RFC3: variants seen among roughly 807,000 people sequenced by gnomAD.
RFC3 encodes the protein replication factor C subunit 3, also known as A1 38 kDa subunit.
RFC3 carries 41 observed loss-of-function variants against 45.1 expected under a neutral mutation model. The ratio of observed to expected loss-of-function variants is 0.91; its 90% CI spans 0.71 to 1.18. The LOEUF is 1.18. Among genes scored for constraint, RFC3 ranks in the 50% most tolerant of loss-of-function variants. The pLI is 0.00. For missense variants in RFC3, 423 were observed against 428.1 expected, an observed-to-expected ratio of 0.99 and a Z score of 0.10; for synonymous variants, 149 against 144.0, an observed-to-expected ratio of 1.03 and a Z score of -0.25.
At chr13:33,898,234 C>A (rs2137657902) in intron 8 of RFC3, among the ~76,000 whole-genome samples, 1 of 152,102 alleles carries the variant, frequency 6.6e-6, no homozygotes, top group East Asian at 1.9e-4. Flanking sequence ...ATAAAATATT[C>A]TCTGGAATAA....
intron 8 of RFC3, among the ~76,000 whole-genome samples, chr13:33,897,989 A>G (rs2137657174): frequency 6.6e-6 from 1 of 152,106 alleles, no homozygotes; most frequent in Admixed American, 6.6e-5. Flanking sequence ...ATGTACTCAT[A>G]AACATTAAAA....
intron 8 of RFC3, among the ~76,000 whole-genome samples, chr13:33,916,592 C>A (rs1283538865): frequency 6.6e-6 from 1 of 152,056 alleles, no homozygotes; most frequent in African/African-American, 2.4e-5. Flanking sequence ...CTAATAGCAC[C>A]AGTGATGACT....
At chr13:33,972,504 T>C in the RFC3 span, among the ~76,000 whole-genome samples, 2 of 152,246 alleles carry the variant, frequency 1.3e-5, no homozygotes, top group Admixed American at 1.3e-4. Context: ...TGTTTTTTGT[T>C]GTATTTTACC....
intron 4 of RFC3, 84 bp from the exon 5 acceptor site, chr13:33,829,752 C>A: frequency 9.4e-7 from 1 of 1,060,966 alleles, no homozygotes; most frequent in Non-Finnish European, 1.5e-6. Context: ...AGGATTTCAT[C>A]CTGGATAATG....
intron 8 of RFC3, among the ~76,000 whole-genome samples, chr13:33,949,047 G>T (rs1311825943): frequency 6.6e-6 from 1 of 152,078 alleles, no homozygotes; most frequent in Non-Finnish European, 1.5e-5. Flanking sequence ...TGAGATTTGG[G>T]AGGGTCAGGG....
intron 8 of RFC3, among the ~76,000 whole-genome samples, chr13:33,956,586 C>T (rs1469512312): frequency 6.6e-6 from 1 of 152,134 alleles, no homozygotes; most frequent in East Asian, 1.9e-4. Context: ...ACCTTAAATG[C>T]ATGACTGTTA....
At chr13:33,925,578 A>G (rs141507380) in intron 8 of RFC3, among the ~76,000 whole-genome samples, 7 of 109,980 alleles carry the variant, frequency 6.4e-5, no homozygotes, top group African/African-American at 1.1e-4. Flanking sequence ...CTATATACAT[A>G]CATATATAGT....
At chr13:33,952,392 A>C (rs1045474530) in intron 8 of RFC3, among the ~76,000 whole-genome samples, 4 of 152,068 alleles carry the variant, frequency 2.6e-5, no homozygotes, top group African/African-American at 9.7e-5. Context: ...AATGTGTAGA[A>C]GGAACACATA....
At chr13:33,916,794 G>A (rs192166084) in intron 8 of RFC3, among the ~76,000 whole-genome samples, 169 of 148,596 alleles carry the variant, frequency 1.1e-3, no homozygotes, top group Non-Finnish European at 1.8e-3. Context: ...ACATGTATGC[G>A]TATGTATATG....
intron 8 of RFC3, among the ~76,000 whole-genome samples, chr13:33,900,451 T>A (rs1299570190): frequency 6.6e-6 from 1 of 151,944 alleles, no homozygotes; most frequent in African/African-American, 2.4e-5. Flanking sequence ...CTTCAATAAA[T>A]GGTGCTGAAA....
chr13:33,936,412 A>T (rs2082886705), intron 8 of RFC3, among the ~76,000 whole-genome samples: 1 of 152,142 alleles, frequency 6.6e-6, no homozygotes, highest in Non-Finnish European at 1.5e-5. Flanking sequence ...TACCCCCCAA[A>T]ATACATAAAA....
In RFC3 at chr13:33,884,054, T is replaced by C. The variant is rs1380324270; in HGVS notation, c.879+48837T>C. 2.6e-5 allele frequency among the ~76,000 whole-genome samples: 4 copies of C among 152,354 alleles called. No homozygotes were observed. The East Asian group carries it at 7.7e-4, about 29-fold the overall frequency. On this transcript the variant is annotated intron_variant, in intron 8 of 8. Transcript: ENST00000434425. ...ATATGGCACAGTCAGAAAGCTCAAC[T>C]GTGTATCCTGAAACATCATTTATTG... is the stretch of plus-strand genomic sequence containing the variant.
chr13:33,935,767 T>C (rs956923595), intron 8 of RFC3, among the ~76,000 whole-genome samples: 13 of 152,208 alleles, frequency 8.5e-5, no homozygotes, highest in Non-Finnish European at 1.3e-4. Flanking sequence ...GGACACAGCA[T>C]TAGCATTTCA....
downstream of RFC3, among the ~76,000 whole-genome samples, chr13:33,842,151 A>G (rs1246694577): frequency 1.3e-5 from 2 of 152,016 alleles, no homozygotes; most frequent in Admixed American, 1.3e-4. Flanking sequence ...AGCTGGGTGT[A>G]GTGGTATGTG....
intron 8 of RFC3, among the ~76,000 whole-genome samples, chr13:33,867,451 T>C (rs945792032): frequency 1.4e-4 from 22 of 152,156 alleles, no homozygotes; most frequent in African/African-American, 4.8e-4. Flanking sequence ...TTCAGAAGAA[T>C]TGGAAAGTAA....
chr13:33,956,178 C>T (rs2083020882), intron 8 of RFC3, among the ~76,000 whole-genome samples: 1 of 152,088 alleles, frequency 6.6e-6, no homozygotes, highest in African/African-American at 2.4e-5. Flanking sequence ...ACAGAGAGGA[C>T]ACAAAATAAA....
At chr13:33,874,475 G>A (rs1012701956) in intron 8 of RFC3, among the ~76,000 whole-genome samples, 20 of 152,150 alleles carry the variant, frequency 1.3e-4, no homozygotes, top group Non-Finnish European at 2.5e-4. Context: ...GCGCCACCAC[G>A]CCTGGCTAAT....
At position 33,865,578 on chromosome 13, in the gene RFC3, A is replaced by T. The variant is rs79134784; in HGVS notation, c.879+30361A>T. 4.6e-5 allele frequency among the ~76,000 whole-genome samples: 7 copies of T among 152,360 alleles called. No homozygotes were observed. The South Asian group carries it at 1.4e-3, about 32-fold the overall frequency. On this transcript the variant is annotated intron_variant, in intron 8 of 8. Coordinates refer to the RFC3 transcript ENST00000434425. ...GAGGGAAAAGCATAATTATAGACCA[A>T]TGTATTTATCAATCAATCAATCAAT... is the stretch of plus-strand genomic sequence containing the variant.
At chr13:33,894,855 A>G (rs1446170447) in intron 8 of RFC3, among the ~76,000 whole-genome samples, 1 of 152,182 alleles carries the variant, frequency 6.6e-6, no homozygotes, top group East Asian at 1.9e-4. Context: ...AAAGCCAAAT[A>G]CTTACAACCA....
Sources: gnomAD v4.1 joint callset for allele counts (sites outside exome capture counted in the v4.1 genomes callset) on GRCh38, gnomAD v4.1.1 for gene constraint, MANE v1.5 for transcripts, NCBI Gene and HGNC (gene_info 2026-07-23, HGNC 2026-07-21) for gene names.